The following BAZ2A variants were observed in gnomAD, a reference collection of about 807,000 sequenced individuals.
BAZ2A encodes bromodomain adjacent to zinc finger domain 2A.
Under a neutral mutation model 199.9 loss-of-function variants are expected in BAZ2A, and 34 were observed. That is an observed-to-expected ratio of 0.17 (90% confidence interval 0.13 to 0.23). BAZ2A has a LOEUF of 0.23. BAZ2A is among the 10% of genes least tolerant of loss of function. BAZ2A has a pLI of 1.00. For synonymous variants in BAZ2A, 857 were observed against 883.9 expected, an observed-to-expected ratio of 0.97 and a Z score of 0.54; for missense variants, 2,002 against 2,391.1, an observed-to-expected ratio of 0.84 and a Z score of 3.39.
intron 3 of BAZ2A, 67 bp downstream of exon 3, chr12:56,614,947 A>C: frequency 6.8e-7 from 1 of 1,479,178 alleles, no homozygotes; most frequent in African/African-American, 1.4e-5. Context: ...TTCTCACCTC[A>C]AAAAGCCACT....
Position 56,608,866 on chromosome 12 carries a change from G to T in BAZ2A, c.2092+870C>A, listed in dbSNP as rs11171904. On this transcript the variant is annotated intron_variant, in intron 10 of 28. Coordinates refer to ENST00000549884, the MANE Select transcript of BAZ2A (RefSeq NM_001300905.2). Reference sequence around the variant, plus strand: ...TTACAGGCGTGAGCCACCGTGCCTGGCTTTTTTTTTTTTTTTTTTTTTTTT... The same window carrying T: ...TTACAGGCGTGAGCCACCGTGCCTGTCTTTTTTTTTTTTTTTTTTTTTTTT... Among the ~76,000 whole-genome samples, 84 of 122,390 alleles carry T rather than the reference G, an allele frequency of 6.9e-4. 3 individuals carry two copies. Among genetic ancestry groups the T allele is most frequent in the African/African-American group, 3.3e-3 (79 of 23,872 alleles). The allele number at this position is 122,390 out of a possible 152,430, so 80.3% of individuals were successfully genotyped here. A position where few individuals can be genotyped will look rare whatever the true frequency, so the allele number is the denominator to read the frequency against.
At chr12:56,607,053 A>G (rs1173722070) in intron 10 of BAZ2A, among the ~76,000 whole-genome samples, 3 of 152,140 alleles carry the variant, frequency 2.0e-5, no homozygotes, top group Non-Finnish European at 4.4e-5. Flanking sequence ...CTTGGAGCCA[A>G]TCTCTCTCCC....
At position 56,600,215 on chromosome 12, in the gene BAZ2A, G is replaced by C. The variant is rs1414504586; in HGVS notation, c.4878C>G (p.Gly1626=). ...GAGTCACTCACATCTCTGTAGTGGT[G>C]CCCTCAGGGGCACCATTAGGTGTGC... ...LLSTPNGAPE[G]TTTEISYEIT... The change falls in exon 24 of 29, where the codon GGC becomes GGG. Residue 1626 remains glycine (G), a synonymous_variant. Transcript: ENST00000549884. 1 of 1,613,822 alleles carries C rather than the reference G, an allele frequency of 6.2e-7. No individual in the cohort carries two copies. The highest frequency in any genetic ancestry group is 8.5e-7 in the Non-Finnish European group (1 of 1,179,860).
Position 56,606,471 on chromosome 12 carries a change from A to G in BAZ2A, c.2194-159T>C, listed in dbSNP as rs989509221. ...CTCTCACCCTAGAGATGCCCACGTT[A>G]TTTTTGAACAAACCCAATTCTCTAA... On this transcript the variant is annotated intron_variant, in intron 11 of 28. Transcript: ENST00000549884. 13 of 1,184,824 alleles carry G rather than the reference A, an allele frequency of 1.1e-5. No homozygotes were observed. In the African/African-American group the frequency reaches 1.2e-4, roughly 11 times the overall value. 73.4% of individuals were successfully genotyped at this position (1,184,824 alleles called of 1,614,324 possible).
intron 5 of BAZ2A, among the ~76,000 whole-genome samples, chr12:56,612,675 T>G (rs1950597616): frequency 6.6e-6 from 1 of 152,064 alleles, no homozygotes; most frequent in Non-Finnish European, 1.5e-5. Flanking sequence ...CAGGTTGGAG[T>G]GCAACGACAC....
At chr12:56,598,819 G>A (rs1855591718) in intron 28 of BAZ2A, 36 bp from the exon 29 acceptor site, 1 of 1,609,698 alleles carries the variant, frequency 6.2e-7, no homozygotes, top group Admixed American at 1.7e-5. Flanking sequence ...GAGCTGGGTA[G>A]GAGTTGCAGC....
At chr12:56,610,278 A>G in intron 8 of BAZ2A, 63 bp from the exon 9 acceptor site, 1 of 1,593,960 alleles carries the variant, frequency 6.3e-7, no homozygotes, top group Non-Finnish European at 8.6e-7. Flanking sequence ...TGGCCAGCAA[A>G]GGCATAAGCA....
rs2136658090 is a variant in BAZ2A at position 56,596,032 on chromosome 12, A to AC, written c.*2585dup. 1 of 151,984 alleles carries AC rather than the reference A, an allele frequency of 6.6e-6. No individual in the cohort carries two copies. The highest frequency in any genetic ancestry group is 2.4e-5 in the African/African-American group (1 of 41,300). 9.4% of individuals were successfully genotyped at this position (151,984 alleles called of 1,614,324 possible). The stretch of plus-strand genomic sequence containing the variant: ...GCAAAAACAGGAGTTTTTTCGCTAG[A>AC]CTTTTTTTTTCTTTTTAACCTTATT... On this transcript the variant is annotated 3_prime_UTR_variant, in exon 29 of 29. Transcript: ENST00000549884.
At chr12:56,619,277 G>A (rs957401206) in intron 1 of BAZ2A, among the ~76,000 whole-genome samples, 2 of 151,454 alleles carry the variant, frequency 1.3e-5, no homozygotes, top group East Asian at 1.9e-4. Context: ...CCTGGGAGAC[G>A]GAGGTTGCAG....
Position 56,606,651 on chromosome 12 carries a change from C to CT in BAZ2A, c.2174dup (p.Thr726AspfsTer10). On this transcript the variant is annotated frameshift_variant, in exon 11 of 29. Coordinates refer to ENST00000549884, the MANE Select transcript of BAZ2A (RefSeq NM_001300905.2). LOFTEE classifies it high-confidence loss of function. ...CCCTCACCTGCCCTTGGATAGTAGT[C>CT]TGACACTCTCCCCGTTGAACCTTCT... 1 of 1,613,896 alleles carries CT rather than the reference C, an allele frequency of 6.2e-7. No homozygotes were observed. The highest frequency in any genetic ancestry group is 8.5e-7 in the Non-Finnish European group (1 of 1,179,838).
In BAZ2A at chr12:56,601,869, C is replaced by T; in HGVS notation, c.3748G>A (p.Gly1250Ser). Residue 1250 changes from glycine to serine, a missense_variant, in exon 20 of 29, where the codon GGC becomes AGC. By Grantham distance (56) the Gly-to-Ser change is moderately conservative. Transcript: ENST00000549884. Reference sequence around the variant, plus strand: ...CTCTGACCCAGTGACAAAGGGGAGCCTTCTTGCTCCAGGAACCCCTTATGG... The same window carrying T: ...CTCTGACCCAGTGACAAAGGGGAGCTTTCTTGCTCCAGGAACCCCTTATGG... The part of the protein sequence containing the change: ...QSHKGFLEQE[G>S]SPLSLGQSQH... 6.2e-7 allele frequency: 1 copy of T among 1,613,892 alleles called. No individual in the cohort carries two copies. Among genetic ancestry groups the T allele is most frequent in the East Asian group, 2.2e-5 (1 of 44,888 alleles).
intron 1 of BAZ2A, among the ~76,000 whole-genome samples, chr12:56,621,854 A>G (rs998609966): frequency 6.6e-6 from 1 of 151,842 alleles, no homozygotes; most frequent in Non-Finnish European, 1.5e-5. Context: ...ACACCTGGCT[A>G]ATTTTTAAAT....
rs1951262750 is a variant in BAZ2A, at chr12:56,630,209, A to G, written c.-87T>C. The G allele has an allele frequency of 9.1e-6, 9 of 985,450 alleles. No individual in the cohort carries two copies. The South Asian group carries it at 3.8e-4, about 41-fold the overall frequency. The allele number at this position is 985,450 out of a possible 1,614,324, so 61.0% of individuals were successfully genotyped here. On this transcript the variant is annotated 5_prime_UTR_variant, in exon 1 of 29. Transcript: ENST00000549884. ...CACATGGCCGCGCTCCGGGCGCCAGAACGGGTGGAGACGCCCGCTGGGGAG... is the reference window on the plus strand; with the variant it reads ...CACATGGCCGCGCTCCGGGCGCCAGGACGGGTGGAGACGCCCGCTGGGGAG...
chr12:56,636,115 T>A (rs1271994979), intron 1 of BAZ2A: 2 of 1,516,274 alleles, frequency 1.3e-6, no homozygotes, highest in African/African-American at 2.8e-5. Flanking sequence ...GCCCCACCCC[T>A]GCTGAGTCAG....
At chr12:56,636,528 G>A, upstream of BAZ2A, 1 of 412,356 alleles carries the variant, frequency 2.4e-6, no homozygotes. Context: ...CGGCAAAGGG[G>A]GAAGGAAACA....
intron 1 of BAZ2A, among the ~76,000 whole-genome samples, chr12:56,625,495 C>T (rs1951059672): frequency 6.6e-6 from 1 of 152,064 alleles, no homozygotes; most frequent in South Asian, 2.1e-4. Flanking sequence ...ACCCTTTCCA[C>T]CCCCAAATAT....
At chr12:56,630,059 G>A (rs1951254469) in intron 1 of BAZ2A, 66 bp downstream of exon 1, 3 of 925,376 alleles carry the variant, frequency 3.2e-6, no homozygotes, top group African/African-American at 1.8e-5. Context: ...TCTGTTCCCC[G>A]AGGGAAGCCT....
upstream of BAZ2A, chr12:56,630,711 G>C: frequency 1.1e-6 from 1 of 909,344 alleles, no homozygotes; most frequent in Non-Finnish European, 1.3e-6. Flanking sequence ...AAATAGAAAG[G>C]TTAGTCACTC....
chr12:56,620,021 G>T (rs1050707742), intron 1 of BAZ2A, among the ~76,000 whole-genome samples: 1 of 152,130 alleles, frequency 6.6e-6, no homozygotes, highest in African/African-American at 2.4e-5. Flanking sequence ...AAGGGAAAAA[G>T]TTTTTAGGAC....
Sources: gnomAD v4.1 joint callset for allele counts (sites outside exome capture counted in the v4.1 genomes callset) on GRCh38, gnomAD v4.1.1 for gene constraint, MANE v1.5 for transcripts, NCBI Gene and HGNC (gene_info 2026-07-23, HGNC 2026-07-21) for gene names.